Variants in LMLN observed in about 807,000 individuals in gnomAD.
The protein encoded by LMLN is leishmanolysin like peptidase.
A neutral mutation model predicts 92.3 loss-of-function variants in LMLN; 70 were observed. The ratio of observed to expected loss-of-function variants is 0.76; its 90% CI spans 0.63 to 0.92. The LOEUF is 0.92. LMLN is among the 40% of genes least tolerant of loss of function. LMLN has a pLI of 0.00. For synonymous variants in LMLN, 308 were observed against 296.2 expected (o/e 1.04, Z -0.41); for missense variants, 691 against 814.6 (o/e 0.85, Z 1.85).
At chr3:197,996,314 ATTTAAT>A (rs770138803) in intron 10 of LMLN, 32 bp downstream of exon 10, 89 of 1,287,164 alleles carry the variant, frequency 6.9e-5, no homozygotes, top group Non-Finnish European at 9.1e-5. Context: ...CCTAGACTTT[ATTTAAT>A]GAAAATAATT....
intron 1 of LMLN, among the ~76,000 whole-genome samples, chr3:197,970,951 T>G (rs940422154): frequency 2.0e-4 from 31 of 152,246 alleles, no homozygotes; most frequent in African/African-American, 7.2e-4. Flanking sequence ...GTAGTGTAGG[T>G]CTGCTGGTGA....
intron 11 of LMLN, among the ~76,000 whole-genome samples, chr3:198,013,365 C>G (rs1484743672): frequency 9.1e-5 from 8 of 88,168 alleles, no homozygotes; most frequent in Non-Finnish European, 2.0e-5. Flanking sequence ...CCTCAGAGCC[C>G]CCTAACTAGT....
intron 15 of LMLN, 91 bp downstream of exon 16, chr3:198,036,134 C>G (rs1270683242): frequency 8.6e-7 from 1 of 1,161,452 alleles, no homozygotes; most frequent in East Asian, 2.4e-5. Context: ...CAAGGAAGCT[C>G]TAAAACAAGT....
Position 197,990,631 on chromosome 3 carries a change from GAT to G in LMLN, c.1004_1005del (p.Ile335SerfsTer15), listed in dbSNP as rs1448423854. 6.2e-7 allele frequency: 1 copy of G among 1,604,308 alleles called. No individual in the cohort carries two copies. The highest frequency in any genetic ancestry group is 1.1e-5 in the South Asian group (1 of 90,810). Reference sequence around the variant, plus strand: ...GATTATGGGATGTTCGAGATAATAAGATAGTTCGTCACACTGTGTATCTCCTG... The same window carrying G: ...GATTATGGGATGTTCGAGATAATAAGAGTTCGTCACACTGTGTATCTCCTG... On this transcript the variant is annotated frameshift_variant, in exon 9 of 16. Coordinates refer to ENST00000330198, the Ensembl canonical transcript of LMLN. LOFTEE classifies it high-confidence loss of function.
In LMLN at chr3:198,019,267, G is replaced by GC; in HGVS notation, c.1250dup (p.Tyr418LeufsTer3). On this transcript the variant is annotated frameshift_variant, in exon 12 of 16. Transcript: ENST00000330198. LOFTEE classifies it high-confidence loss of function. The surrounding 1 kb of genome is among the most constrained non-coding windows in gnomAD (Gnocchi z 5.5). Reference sequence around the variant, plus strand: ...TTTGTTTGCAGGAGACAGATGCTGAGCCCTTACTGTGACACGCTCAGAAGT... The same window carrying GC: ...TTTGTTTGCAGGAGACAGATGCTGAGCCCCTTACTGTGACACGCTCAGAAGT... The GC allele has an allele frequency of 6.2e-7, 1 of 1,613,388 alleles. No individual in the cohort carries two copies. The highest frequency in any genetic ancestry group is 8.5e-7 in the Non-Finnish European group (1 of 1,179,864).
At chr3:197,992,164 A>G (rs1223792922) in intron 9 of LMLN, among the ~76,000 whole-genome samples, 2 of 151,970 alleles carry the variant, frequency 1.3e-5, no homozygotes, top group African/African-American at 4.8e-5. Context: ...GTGTACATAT[A>G]TATAGATGTA....
At chr3:197,982,489 G>C (rs931271473) in intron 6 of LMLN, among the ~76,000 whole-genome samples, 4 of 152,128 alleles carry the variant, frequency 2.6e-5, no homozygotes, top group African/African-American at 9.7e-5. Flanking sequence ...GCCTCCCAAA[G>C]TGCTGGGATG....
chr3:198,030,789 T>G (rs1723057476), intron 14 of LMLN, among the ~76,000 whole-genome samples: 1 of 152,190 alleles, frequency 6.6e-6, no homozygotes, highest in Admixed American at 6.5e-5. Flanking sequence ...ATTTGAGGAG[T>G]ATGTGACGGA....
intron 1 of LMLN, among the ~76,000 whole-genome samples, chr3:197,968,029 C>G (rs1721108644): frequency 6.6e-6 from 1 of 152,152 alleles, no homozygotes; most frequent in African/African-American, 2.4e-5. Flanking sequence ...TCAAGGTGCA[C>G]TGATTTCATA....
Position 197,996,155 on chromosome 3 carries a change from A to T in LMLN, c.1048-20A>T. 6.9e-7 allele frequency: 1 copy of T among 1,443,400 alleles called. No individual in the cohort carries two copies. Among genetic ancestry groups the T allele is most frequent in the Non-Finnish European group, 9.4e-7 (1 of 1,063,890 alleles). The allele number at this position is 1,443,400 out of a possible 1,614,324, so 89.4% of individuals were successfully genotyped here. A position where few individuals can be genotyped will look rare whatever the true frequency, so the allele number is the denominator to read the frequency against. ...TACTTTTGTACCATATTTGTTTCTG[A>T]TTTTTTTTCTGGTTCTTAGGAGGAA... On this transcript the variant is annotated intron_variant, in intron 9 of 15. Transcript: ENST00000330198.
At position 198,019,229 on chromosome 3, in the gene LMLN, C is replaced by T. The variant is rs1407826965; in HGVS notation, c.1233-24C>T. 6.3e-7 allele frequency: 1 copy of T among 1,598,968 alleles called. No individual in the cohort carries two copies. The highest frequency in any genetic ancestry group is 1.1e-5 in the South Asian group (1 of 88,084). On this transcript the variant is annotated intron_variant, in intron 11 of 15. Coordinates refer to ENST00000330198, the Ensembl canonical transcript of LMLN. The surrounding 1 kb of genome is among the most constrained non-coding windows in gnomAD (Gnocchi z 5.5). ...CAGTATTTTCTTTAAAGTTTGATAC[C>T]ATGGTACTTCTCTTTGTTTGCAGGA...
chr3:197,978,893 A>G (rs558750833), intron 5 of LMLN, among the ~76,000 whole-genome samples: 1 of 152,262 alleles, frequency 6.6e-6, no homozygotes, highest in African/African-American at 2.4e-5. Flanking sequence ...CAGGAGGCTG[A>G]GGCAGGAGAA....
Position 198,042,710 on chromosome 3 carries a change from C to T in LMLN, c.*4043C>T, listed in dbSNP as rs1723442019. On this transcript the variant is annotated 3_prime_UTR_variant, in exon 16 of 16. Transcript: ENST00000330198. This position sits in a 1 kb window ranked among gnomAD's most constrained non-coding sequence, Gnocchi z 4.2. ...TTAAAAACTATCTTGGTTTTCTGTT[C>T]AGACTTAGGCTCATTTTGATCATTT... 6.6e-6 allele frequency: 1 copy of T among 152,176 alleles called. No homozygotes were observed. Among genetic ancestry groups the T allele is most frequent in the South Asian group, 2.1e-4 (1 of 4,832 alleles). The allele number at this position is 152,176 out of a possible 1,614,324, so 9.4% of individuals were successfully genotyped here.
chr3:198,013,871 C>A (rs1581168892), intron 11 of LMLN, among the ~76,000 whole-genome samples: 1 of 141,422 alleles, frequency 7.1e-6, no homozygotes, highest in African/African-American at 2.8e-5. Context: ...CTTCTCTGTA[C>A]CCTTCAGAGC....
At chr3:198,034,489 T>G (rs768918798) in intron 14 of LMLN, among the ~76,000 whole-genome samples, 15 of 152,136 alleles carry the variant, frequency 9.9e-5, no homozygotes, top group Non-Finnish European at 1.8e-4. Flanking sequence ...CACAGGCCTG[T>G]AGTCCCAGCT....
At chr3:197,990,609 T>C in exon 9 of LMLN, 1 of 1,603,930 alleles carries the variant, frequency 6.2e-7, no homozygotes. Context: ...GTGGAGAGAT[T>C]ATGGGATGTT....
intron 14 of LMLN, among the ~76,000 whole-genome samples, chr3:198,033,167 T>G (rs1276240835): frequency 6.6e-6 from 1 of 152,100 alleles, no homozygotes; most frequent in African/African-American, 2.4e-5. Flanking sequence ...CTATCAACAC[T>G]CTCATATAAT....
intron 11 of LMLN, among the ~76,000 whole-genome samples, chr3:198,015,283 C>T (rs1164192482): frequency 1.4e-4 from 12 of 88,502 alleles, no homozygotes; most frequent in African/African-American, 3.2e-4. Flanking sequence ...CTCCACCCTT[C>T]AGAGCCCCCT....
At chr3:197,976,237 C>G (rs1721376402) in intron 4 of LMLN, 126 bp downstream of exon 4, 8 of 556,468 alleles carry the variant, frequency 1.4e-5, no homozygotes, top group Non-Finnish European at 2.2e-5. Flanking sequence ...AGGGACCTAA[C>G]TGCAAGGTAT....
Sources: gnomAD v4.1 joint callset for allele counts (sites outside exome capture counted in the v4.1 genomes callset) on GRCh38, gnomAD v4.1.1 for gene constraint, Gnocchi (gnomAD v3.1) non-coding constraint, MANE v1.5 for transcripts, NCBI Gene and HGNC (gene_info 2026-07-23, HGNC 2026-07-21) for gene names.